The following LIG1 variants were observed in gnomAD, a reference collection of about 807,000 sequenced individuals.
LIG1 encodes DNA ligase 1, also known as ligase I, DNA, ATP-dependent.
LIG1 carries 70 observed loss-of-function variants against 115.7 expected under a neutral mutation model. The observed-to-expected ratio is 0.60, with a 90% CI of 0.50 to 0.74. The LOEUF is 0.74. LIG1 is among the 30% of genes least tolerant of loss of function. LIG1 has a pLI of 0.00. For synonymous variants in LIG1, 487 were observed against 495.3 expected, an observed-to-expected ratio of 0.98 and a Z score of 0.22; for missense variants, 1,115 against 1,225.6, an observed-to-expected ratio of 0.91 and a Z score of 1.35.
intron 27 of LIG1, 21 bp from the exon 28 acceptor site, chr19:48,115,753 G>A (rs773712455): frequency 7.5e-6 from 12 of 1,605,582 alleles, no homozygotes; most frequent in Middle Eastern, 1.6e-4. Flanking sequence ...AGGGTGGGAC[G>A]GGGTGGTCAG....
intron 19 of LIG1, 100 bp from the exon 20 acceptor site, chr19:48,128,120 C>G: frequency 1.1e-6 from 1 of 905,238 alleles, no homozygotes; most frequent in Non-Finnish European, 1.8e-6. Flanking sequence ...CTGCAGCTCT[C>G]AAGATGCACT....
chr19:48,141,603 A>C (rs1243804522), intron 11 of LIG1, among the ~76,000 whole-genome samples: 1 of 152,240 alleles, frequency 6.6e-6, no homozygotes, highest in African/African-American at 2.4e-5. Flanking sequence ...CGTGTGCCTG[A>C]GGACTGTGCT....
At position 48,161,414 on chromosome 19, in the gene LIG1, T is replaced by C. The variant is rs766647750; in HGVS notation, c.201A>G (p.Glu67=). The stretch of plus-strand genomic sequence containing the variant: ...TAAGGGCTTCATCCTCCTCTTCCCC[T>C]TCGCTGCCCAGGACCCGGGCCGCCT... ...GRKAARVLGS[E]GEEEDEALSP... The change falls in exon 4 of 28, where the codon GAA becomes GAG. Residue 67 remains glutamate (E), a synonymous_variant. Coordinates refer to ENST00000263274, the MANE Select transcript of LIG1 (RefSeq NM_000234.3). 6.8e-6 allele frequency: 11 copies of C among 1,614,032 alleles called. No individual in the cohort carries two copies. In the Admixed American group the frequency reaches 1.3e-4, roughly 20 times the overall value.
At chr19:48,169,251 G>A (rs2036638761) in intron 1 of LIG1, among the ~76,000 whole-genome samples, 1 of 152,150 alleles carries the variant, frequency 6.6e-6, no homozygotes, top group Non-Finnish European at 1.5e-5. Context: ...CAATTACGAT[G>A]GGGGTTACAC....
intron 4 of LIG1, among the ~76,000 whole-genome samples, chr19:48,159,775 T>C (rs1249173783): frequency 6.6e-6 from 1 of 152,202 alleles, no homozygotes; most frequent in Non-Finnish European, 1.5e-5. Flanking sequence ...TGGAGTGCAG[T>C]GGCACGATCT....
chr19:48,143,325 C>T (rs115914062), intron 11 of LIG1, among the ~76,000 whole-genome samples: 1,753 of 152,304 alleles, frequency 0.012, 41 homozygotes, highest in African/African-American at 0.039. Flanking sequence ...CATCTGGGCT[C>T]GCCCCTTGTG....
At chr19:48,147,164 A>G (rs2035172035) in intron 9 of LIG1, 1 of 152,210 alleles carries the variant, frequency 6.6e-6, no homozygotes, top group Non-Finnish European at 1.5e-5. Context: ...CGTGACATCA[A>G]AGAGATTTTG....
rs2035006766 is a variant in LIG1 at position 48,144,705 on chromosome 19, T to C, written c.777-742A>G. The stretch of plus-strand genomic sequence containing the variant: ...TTTCAGAAGAGACGAGGTTTCACCA[T>C]GTTCGCTAGGCTGATTTTGAACTCC... On this transcript the variant is annotated intron_variant, in intron 9 of 27. Transcript: ENST00000263274. Among the ~76,000 whole-genome samples, 3 of 152,284 alleles carry C rather than the reference T, an allele frequency of 2.0e-5. No homozygotes were observed. In the South Asian group the frequency reaches 6.2e-4, roughly 32 times the overall value.
chr19:48,142,933 C>T (rs1225333352), intron 11 of LIG1, among the ~76,000 whole-genome samples: 1 of 152,330 alleles, frequency 6.6e-6, no homozygotes, highest in East Asian at 1.9e-4. Flanking sequence ...TGAGCCACTG[C>T]ACCCAGCCTC....
At chr19:48,126,669 T>C (rs1408811322) in intron 21 of LIG1, among the ~76,000 whole-genome samples, 4 of 151,632 alleles carry the variant, frequency 2.6e-5, no homozygotes, top group African/African-American at 9.7e-5. Context: ...TTACATAATA[T>C]TATAGTTACA....
chr19:48,152,351 G>A (rs918540579), intron 6 of LIG1, among the ~76,000 whole-genome samples: 15 of 152,180 alleles, frequency 9.9e-5, no homozygotes, highest in Admixed American at 8.5e-4. Flanking sequence ...TCCAACTCCC[G>A]ACCTCAAGTG....
intron 11 of LIG1, 111 bp downstream of exon 11, chr19:48,143,432 G>A (rs190061391): frequency 1.4e-5 from 14 of 1,023,434 alleles, no homozygotes; most frequent in Admixed American, 6.8e-5. Flanking sequence ...CCCGAGCGGG[G>A]TCAGAGGCCA....
intron 18 of LIG1, among the ~76,000 whole-genome samples, 186 bp downstream of exon 18, chr19:48,132,790 CAAAAAA>C (rs71181649): frequency 6.2e-5 from 3 of 48,256 alleles, no homozygotes; most frequent in African/African-American, 2.2e-4. Flanking sequence ...GACTCTGTCT[CAAAAAA>C]AAAAAAAAAA....
At chr19:48,157,217 G>A in intron 4 of LIG1, 77 bp from the exon 5 acceptor site, 3 of 1,379,272 alleles carry the variant, frequency 2.2e-6, no homozygotes, top group Non-Finnish European at 2.0e-6. Flanking sequence ...GAGTAGAGGG[G>A]ACTGAAACCT....
chr19:48,127,689 A>G (rs1477281825), intron 20 of LIG1: 3 of 638,134 alleles, frequency 4.7e-6, no homozygotes, highest in Non-Finnish European at 8.5e-6. Context: ...ATAGTAAAAC[A>G]ACAGAGATGC....
Position 48,137,836 on chromosome 19 carries a change from G to A in LIG1, c.1088-148C>T. On this transcript the variant is annotated intron_variant, in intron 12 of 27. Transcript: ENST00000263274. The surrounding 1 kb of genome is among the most constrained non-coding windows in gnomAD (Gnocchi z 4.3). ...CCTGTGTCTAACGCTCACCCACTTG[G>A]TAGAAATGGCTTGGGGAACGTGCCC... is the stretch of plus-strand genomic sequence containing the variant. 2.0e-6 allele frequency: 2 copies of A among 1,010,974 alleles called. No individual in the cohort carries two copies. The highest frequency in any genetic ancestry group is 2.9e-6 in the Non-Finnish European group (2 of 683,244). 62.6% of individuals were successfully genotyped at this position (1,010,974 alleles called of 1,614,324 possible).
chr19:48,150,249 G>C (rs771718707), intron 7 of LIG1, 39 bp from the exon 8 acceptor site: 2 of 1,613,400 alleles, frequency 1.2e-6, no homozygotes, highest in Admixed American at 3.3e-5. Context: ...CAAACTCTTT[G>C]ACCCTGAGAC....
intron 14 of LIG1, among the ~76,000 whole-genome samples, chr19:48,136,360 AG>A (rs1868252442): frequency 6.6e-6 from 1 of 152,178 alleles, no homozygotes; most frequent in Non-Finnish European, 1.5e-5. Flanking sequence ...GGGCACAAGT[AG>A]GTGCACCAGC....
intron 7 of LIG1, 58 bp from the exon 8 acceptor site, chr19:48,150,268 T>C (rs2035386254): frequency 6.2e-7 from 1 of 1,610,836 alleles, no homozygotes; most frequent in South Asian, 1.1e-5. Flanking sequence ...ACTTTTTTTT[T>C]CTTTTTTTTT....
Sources: allele counts gnomAD v4.1 joint callset (sites outside exome capture counted in the v4.1 genomes callset), GRCh38; gene constraint gnomAD v4.1.1; non-coding constraint Gnocchi (gnomAD v3.1); transcripts MANE v1.5; gene names NCBI Gene and HGNC (gene_info 2026-07-23, HGNC 2026-07-21).